The following CPNE2 variants were observed in gnomAD, a reference collection of about 807,000 sequenced individuals.
CPNE2 encodes the protein copine 2.
A neutral mutation model predicts 69.7 loss-of-function variants in CPNE2; 42 were observed. The ratio of observed to expected loss-of-function variants is 0.60; its 90% CI spans 0.47 to 0.78. The LOEUF (loss-of-function observed/expected upper bound fraction) is 0.78. Among genes scored for constraint, CPNE2 ranks in the 30% least tolerant of loss-of-function variants. The pLI is 0.00. For missense variants in CPNE2, 587 were observed against 732.0 expected, an observed-to-expected ratio of 0.80 and a Z score of 2.29; for synonymous variants, 294 against 289.8, an observed-to-expected ratio of 1.01 and a Z score of -0.15.
At position 57,115,046 on chromosome 16, in the gene CPNE2, G is replaced by A. The variant is rs542857800; in HGVS notation, c.361-430G>A. 7.9e-5 allele frequency among the ~76,000 whole-genome samples: 12 copies of A among 151,888 alleles called. No homozygotes were observed. In the East Asian group the frequency reaches 2.3e-3, roughly 30 times the overall value. ...CGCTTGAGCCCAGGAGGTTGAGGCT[G>A]CAGTGAGCCGTGATCGAGACCTGTC... On this transcript the variant is annotated intron_variant, in intron 3 of 15. Coordinates refer to ENST00000290776, the MANE Select transcript of CPNE2 (RefSeq NM_152727.6).
chr16:57,104,098 G>T (rs1458586091), intron 1 of CPNE2, among the ~76,000 whole-genome samples: 1 of 152,090 alleles, frequency 6.6e-6, no homozygotes, highest in Admixed American at 6.6e-5. Context: ...TGTATTTTTA[G>T]TAGAGATGGG....
intron 1 of CPNE2, among the ~76,000 whole-genome samples, chr16:57,094,858 C>T (rs904133738): frequency 6.6e-6 from 1 of 152,138 alleles, no homozygotes; most frequent in Non-Finnish European, 1.5e-5. Flanking sequence ...TCCCCATTTC[C>T]CCACATCTGG....
At chr16:57,096,143 A>T (rs1475338922) in intron 1 of CPNE2, among the ~76,000 whole-genome samples, 1 of 152,212 alleles carries the variant, frequency 6.6e-6, no homozygotes, top group African/African-American at 2.4e-5. Flanking sequence ...GGATCCTGGG[A>T]GAATTACGAG....
chr16:57,133,106 C>A (rs1201200792), intron 12 of CPNE2, among the ~76,000 whole-genome samples: 3 of 152,164 alleles, frequency 2.0e-5, no homozygotes, highest in African/African-American at 4.8e-5. Flanking sequence ...CTCTCAGCCC[C>A]TCCATACAAG....
Position 57,146,466 on chromosome 16 carries a change from G to C in CPNE2, c.1539+145G>C. On this transcript the variant is annotated intron_variant, in intron 15 of 15. Coordinates refer to ENST00000290776, the MANE Select transcript of CPNE2 (RefSeq NM_152727.6). This position sits in a 1 kb window ranked among gnomAD's most constrained non-coding sequence, Gnocchi z 4.4. ...CTATGCTCTTCTGAGGGCCTGCCATGTGCCAGGCGCCGTGCCAGGCCTTGC... is the reference window on the plus strand; with the variant it reads ...CTATGCTCTTCTGAGGGCCTGCCATCTGCCAGGCGCCGTGCCAGGCCTTGC... The C allele has an allele frequency of 1.3e-6, 1 of 746,622 alleles. No homozygotes were observed. The highest frequency in any genetic ancestry group is 2.1e-6 in the Non-Finnish European group (1 of 466,782). The allele number at this position is 746,622 out of a possible 1,614,324, so 46.2% of individuals were successfully genotyped here.
chr16:57,146,286 A>G lies in CPNE2; in HGVS notation c.1504A>G (p.Ile502Val). 6.4e-7 allele frequency: 1 copy of G among 1,555,196 alleles called. No individual in the cohort carries two copies. Among genetic ancestry groups the G allele is most frequent in the Non-Finnish European group, 8.7e-7 (1 of 1,148,790 alleles). The change falls in exon 15 of 16, where the codon ATT (isoleucine) becomes GTT (valine). Residue 502 changes from isoleucine to valine, a missense_variant. Physicochemically the swap from Ile to Val is conservative, Grantham distance 29. This residue lies in a region of CPNE2 where 185 missense variants were observed against 252.3 expected (regional missense o/e 0.73). Coordinates refer to ENST00000290776, the MANE Select transcript of CPNE2 (RefSeq NM_152727.6). The surrounding 1 kb of genome is among the most constrained non-coding windows in gnomAD (Gnocchi z 4.4). Reference sequence around the variant, plus strand: ...CACGGGGGAGGAGGCAGCCCGCGATATTGTGCAGTTCGTTCCCTTTCGAGA... The same window carrying G: ...CACGGGGGAGGAGGCAGCCCGCGATGTTGTGCAGTTCGTTCCCTTTCGAGA... ...SHTGEEAARD[I>V]VQFVPFREFR...
intron 2 of CPNE2, 27 bp downstream of exon 2, chr16:57,110,949 G>A: frequency 1.3e-6 from 2 of 1,593,768 alleles, no homozygotes; most frequent in Non-Finnish European, 8.6e-7. Flanking sequence ...TGTCTGCGGT[G>A]GGTAAGGGGG....
At chr16:57,137,387 C>T (rs2069890577) in intron 14 of CPNE2, 105 bp downstream of exon 14, 2 of 1,406,196 alleles carry the variant, frequency 1.4e-6, no homozygotes, top group Non-Finnish European at 1.9e-6. Flanking sequence ...TAGTGGACAC[C>T]TCTGGGCCTT....
chr16:57,140,962 A>C (rs1597507113), intron 14 of CPNE2: 2 of 139,048 alleles, frequency 1.4e-5, no homozygotes, highest in African/African-American at 2.7e-5. Flanking sequence ...TTCACCTTGC[A>C]CTCCCTCCTG....
chr16:57,147,598 A>G lies in CPNE2; in HGVS notation c.1587A>G (p.Gln529=). The change falls in exon 16 of 16, where the codon CAA becomes CAG. Residue 529 remains glutamine (Q), a synonymous_variant. Transcript: ENST00000290776. ...LAKAVLAELP[Q]QVVQYFKHKN... is the part of the protein sequence containing the mutation. ...AAGCTGTGCTGGCGGAGCTGCCCCA[A>G]CAAGTTGTGCAGTATTTCAAGCATA... The G allele has an allele frequency of 6.2e-7, 1 of 1,610,232 alleles. No individual in the cohort carries two copies.
At chr16:57,098,456 A>T (rs2069592471) in intron 1 of CPNE2, among the ~76,000 whole-genome samples, 1 of 152,216 alleles carries the variant, frequency 6.6e-6, no homozygotes, top group Non-Finnish European at 1.5e-5. Flanking sequence ...GGCATGCGGC[A>T]AGGGCCCCAG....
chr16:57,146,639 C>A lies in CPNE2; in HGVS notation c.1539+318C>A. 1 of 324,570 alleles carries A rather than the reference C, an allele frequency of 3.1e-6. No homozygotes were observed. 20.1% of individuals were successfully genotyped at this position (324,570 alleles called of 1,614,324 possible). On this transcript the variant is annotated intron_variant, in intron 15 of 15. Transcript: ENST00000290776. The surrounding 1 kb of genome is among the most constrained non-coding windows in gnomAD (Gnocchi z 4.4). The stretch of plus-strand genomic sequence containing the variant: ...GGTCTGATGAGAGGCTGGGGCTATC[C>A]ATGTGGTGTAAAGTGCAGGAGGAGA...
At chr16:57,132,212 G>A (rs2069843211) in intron 12 of CPNE2, among the ~76,000 whole-genome samples, 1 of 152,182 alleles carries the variant, frequency 6.6e-6, no homozygotes, top group South Asian at 2.1e-4. Flanking sequence ...TCTCCCTGAG[G>A]GTGGCCCAGA....
At chr16:57,110,670 G>A (rs756247381) in intron 1 of CPNE2, 38 bp from the exon 2 acceptor site, 2 of 1,325,732 alleles carry the variant, frequency 1.5e-6, no homozygotes, top group Non-Finnish European at 2.0e-6. Flanking sequence ...CATAGCAGGT[G>A]TCTGTCCACT....
intron 12 of CPNE2, among the ~76,000 whole-genome samples, chr16:57,131,243 C>T (rs950276712): frequency 5.3e-5 from 8 of 152,248 alleles, no homozygotes; most frequent in Admixed American, 6.5e-5. Context: ...ACATGGGTCT[C>T]GCTCGGCCAG....
intron 1 of CPNE2, among the ~76,000 whole-genome samples, chr16:57,100,244 A>T (rs1752208791): frequency 6.6e-6 from 1 of 152,184 alleles, no homozygotes; most frequent in South Asian, 2.1e-4. Flanking sequence ...GAAAGAAATC[A>T]CTAAGTGAAG....
intron 2 of CPNE2, 34 bp from the exon 3 acceptor site, chr16:57,113,254 G>T (rs764176802): frequency 6.2e-7 from 1 of 1,604,614 alleles, no homozygotes. Context: ...CAGCTGCCTT[G>T]ACTCTGACTT....
rs760290247 is a variant in CPNE2, at chr16:57,123,408, T to C, written c.868-6T>C. 25 of 1,612,718 alleles carry C rather than the reference T, an allele frequency of 1.6e-5. No homozygotes were observed. Among genetic ancestry groups the C allele is most frequent in the African/African-American group, 2.7e-5 (2 of 74,930 alleles). ...GGGACCCACTGACTCATCCGCTTTC[T>C]TCCAGATAAACCGAGACTACTCCTT... is the stretch of plus-strand genomic sequence containing the variant. On this transcript the variant is annotated splice_region_variant and splice_polypyrimidine_tract_variant and intron_variant, in intron 9 of 15. Transcript: ENST00000290776.
At position 57,146,380 on chromosome 16, in the gene CPNE2, T is replaced by C; in HGVS notation, c.1539+59T>C. 1 of 1,391,818 alleles carries C rather than the reference T, an allele frequency of 7.2e-7. No homozygotes were observed. The highest frequency in any genetic ancestry group is 9.8e-7 in the Non-Finnish European group (1 of 1,019,262). 86.2% of individuals were successfully genotyped at this position (1,391,818 alleles called of 1,614,324 possible). ...ACAGGATCCCAGCCACCATAGCTCA[T>C]AATCAAGCTTGAGAGTCTTGGGGTT... is the stretch of plus-strand genomic sequence containing the variant. On this transcript the variant is annotated intron_variant, in intron 15 of 15. Transcript: ENST00000290776. This position sits in a 1 kb window ranked among gnomAD's most constrained non-coding sequence, Gnocchi z 4.4.
Sources: gnomAD v4.1 joint callset for allele counts (sites outside exome capture counted in the v4.1 genomes callset) on GRCh38, gnomAD v4.1.1 for gene constraint, gnomAD v4.1.1 regional missense constraint, Gnocchi (gnomAD v3.1) non-coding constraint, MANE v1.5 for transcripts, NCBI Gene and HGNC (gene_info 2026-07-23, HGNC 2026-07-21) for gene names.